The following DYNC2H1 variants were observed in gnomAD, a reference collection of about 807,000 sequenced individuals.
DYNC2H1 encodes the protein dynein cytoplasmic 2 heavy chain 1.
DYNC2H1 carries 410 observed loss-of-function variants against 570.0 expected under a neutral mutation model. The ratio of observed to expected loss-of-function variants is 0.72; its 90% confidence interval spans 0.66 to 0.78. DYNC2H1 has a LOEUF of 0.78. DYNC2H1 is among the 30% of genes least tolerant of loss of function. DYNC2H1 has a pLI of 0.00. For synonymous variants in DYNC2H1, 1,688 were observed against 1,677.6 expected (o/e 1.01, Z -0.15); for missense variants, 4,865 against 5,046.4 (o/e 0.96, Z 1.09).
chr11:103,316,431 G>A (rs1450865010), intron 79 of DYNC2H1, 114 bp from the exon 80 acceptor site: 1 of 634,464 alleles, frequency 1.6e-6, no homozygotes, highest in African/African-American at 2.0e-5. Flanking sequence ...AAAATTCTCA[G>A]GAGTTATATA....
At chr11:103,231,431 A>G (rs1864006433) in intron 60 of DYNC2H1, 85 bp downstream of exon 60, 1 of 878,410 alleles carries the variant, frequency 1.1e-6, no homozygotes, top group African/African-American at 1.7e-5. Flanking sequence ...TTTGACTTTT[A>G]AGATTTAGAC....
intron 50 of DYNC2H1, among the ~76,000 whole-genome samples, chr11:103,200,625 A>G (rs527847608): frequency 3.7e-4 from 57 of 152,278 alleles, no homozygotes; most frequent in Non-Finnish European, 7.5e-4. Flanking sequence ...TTGTATAACT[A>G]TATAATAGTA....
intron 72 of DYNC2H1, among the ~76,000 whole-genome samples, chr11:103,282,449 G>A (rs912151254): frequency 1.7e-4 from 26 of 151,848 alleles, no homozygotes; most frequent in African/African-American, 6.3e-4. Context: ...TCATACTAAT[G>A]AATTAATGCA....
chr11:103,437,791 G>A (rs2135757629), intron 85 of DYNC2H1, among the ~76,000 whole-genome samples: 1 of 152,090 alleles, frequency 6.6e-6, no homozygotes, highest in South Asian at 2.1e-4. Context: ...AAAAGGACAG[G>A]GACTTTAAAC....
intron 87 of DYNC2H1, among the ~76,000 whole-genome samples, chr11:103,466,739 A>T (rs950480760): frequency 1.3e-5 from 2 of 152,192 alleles, no homozygotes; most frequent in Non-Finnish European, 1.5e-5. Context: ...GATTGACAGA[A>T]TTTTTAAGTC....
At position 103,236,557 on chromosome 11, in the gene DYNC2H1, A is replaced by AT. The variant is rs748459541; in HGVS notation, c.9819+25dup. 103 of 1,336,382 alleles carry AT rather than the reference A, an allele frequency of 7.7e-5. No individual in the cohort carries two copies. The East Asian group carries it at 2.4e-3, about 31-fold the overall frequency. 82.8% of individuals were successfully genotyped at this position (1,336,382 alleles called of 1,614,324 possible). A position where few individuals can be genotyped will look rare whatever the true frequency, so the allele number is the denominator to read the frequency against. On this transcript the variant is annotated intron_variant, in intron 63 of 88. Coordinates refer to ENST00000375735, the MANE Select transcript of DYNC2H1 (RefSeq NM_001377.3). ...TATTACAGGTAGTTAATTTATTTTA[A>AT]TTTTTTTATTAGAAATGTTTTATTG...
chr11:103,321,624 G>A (rs1230247595), intron 81 of DYNC2H1, among the ~76,000 whole-genome samples: 1 of 152,074 alleles, frequency 6.6e-6, no homozygotes, highest in Non-Finnish European at 1.5e-5. Context: ...ATAAATATGT[G>A]TCTTCAGTTT....
chr11:103,386,279 CT>C (rs1252101602), intron 83 of DYNC2H1, among the ~76,000 whole-genome samples: 1 of 152,002 alleles, frequency 6.6e-6, no homozygotes, highest in African/African-American at 2.4e-5. Context: ...TGTAGACTTC[CT>C]TTTTTTGTTC....
At chr11:103,184,512 T>G (rs1861987312) in intron 40 of DYNC2H1, among the ~76,000 whole-genome samples, 1 of 151,930 alleles carries the variant, frequency 6.6e-6, no homozygotes, top group Admixed American at 6.6e-5. Flanking sequence ...TTCTAACGTT[T>G]CTTTTCTAGT....
At position 103,253,394 on chromosome 11, in the gene DYNC2H1, T is replaced by G. The variant is rs886047574; in HGVS notation, c.10152T>G (p.Ala3384=). Residue 3384 remains alanine (A), a synonymous_variant, in exon 66 of 89, where the codon GCT becomes GCG. Coordinates refer to ENST00000375735, the MANE Select transcript of DYNC2H1 (RefSeq NM_001377.3). ...ATCCTTTTATTCCACCGGATGCAGC[T>G]TCCATTGTTACTGAGGTTAACTTTA... is the stretch of plus-strand genomic sequence containing the variant. ...NPNPFIPPDA[A]SIVTEVNFTT... is the part of the protein sequence containing the mutation. 2 of 1,613,396 alleles carry G rather than the reference T, an allele frequency of 1.2e-6. No homozygotes were observed. The highest frequency in any genetic ancestry group is 1.7e-6 in the Non-Finnish European group (2 of 1,179,512).
intron 75 of DYNC2H1, among the ~76,000 whole-genome samples, chr11:103,294,926 G>A (rs1365353746): frequency 2.6e-5 from 4 of 152,170 alleles, no homozygotes; most frequent in Non-Finnish European, 4.4e-5. Context: ...CAATTTGCAA[G>A]ACATAATCCT....
chr11:103,362,892 A>T (rs1395085601), intron 83 of DYNC2H1, among the ~76,000 whole-genome samples: 1 of 152,108 alleles, frequency 6.6e-6, no homozygotes, highest in South Asian at 2.1e-4. Context: ...TTAGCCAGGC[A>T]TGGTGGTGCA....
In DYNC2H1 at chr11:103,186,147, A is replaced by G. The variant is rs1378820525; in HGVS notation, c.6634-95A>G. 2.0e-5 allele frequency: 25 copies of G among 1,242,068 alleles called. No individual in the cohort carries two copies. Among genetic ancestry groups the G allele is most frequent in the Non-Finnish European group, 2.5e-5 (23 of 912,636 alleles). The allele number at this position is 1,242,068 out of a possible 1,614,324, so 76.9% of individuals were successfully genotyped here. ...TTTATGTAAAGTTTTCTTGGAACTA[A>G]GATGATTTACTTTTGGGATATTTAC... is the stretch of plus-strand genomic sequence containing the variant. On this transcript the variant is annotated intron_variant, in intron 41 of 88. Transcript: ENST00000375735. The surrounding 1 kb of genome is among the most constrained non-coding windows in gnomAD (Gnocchi z 4.5).
At chr11:103,197,107 T>C (rs1310456321) in intron 47 of DYNC2H1, among the ~76,000 whole-genome samples, 1 of 152,038 alleles carries the variant, frequency 6.6e-6, no homozygotes, top group Non-Finnish European at 1.5e-5. Flanking sequence ...TGGGGGATTT[T>C]TGTTTTCTAA....
intron 31 of DYNC2H1, 29 bp downstream of exon 31, chr11:103,166,077 T>C: frequency 2.7e-6 from 4 of 1,469,352 alleles, no homozygotes; most frequent in Non-Finnish European, 3.6e-6. Context: ...CTTTTCTGCC[T>C]GGTTTTGGGT....
At chr11:103,158,255 G>T (rs1328077273) in intron 26 of DYNC2H1, among the ~76,000 whole-genome samples, 1 of 152,154 alleles carries the variant, frequency 6.6e-6, no homozygotes, top group Admixed American at 6.5e-5. Flanking sequence ...AGACCATCGT[G>T]GCTAACACGG....
chr11:103,246,212 A>G (rs1864610654), intron 65 of DYNC2H1, among the ~76,000 whole-genome samples: 1 of 152,036 alleles, frequency 6.6e-6, no homozygotes, highest in Non-Finnish European at 1.5e-5. Flanking sequence ...GTAATCAAGA[A>G]AGTGACCTTG....
chr11:103,186,603 T>C lies in DYNC2H1; in HGVS notation c.6893+102T>C. On this transcript the variant is annotated intron_variant, in intron 42 of 88. Transcript: ENST00000375735. The surrounding 1 kb of genome is among the most constrained non-coding windows in gnomAD (Gnocchi z 4.5). The stretch of plus-strand genomic sequence containing the variant: ...TGTTTCTTTTGGTTAAAGTAGCATT[T>C]ACATTTTCATGGAAGATTCATTTTA... 1 of 1,383,718 alleles carries C rather than the reference T, an allele frequency of 7.2e-7. No individual in the cohort carries two copies. Among genetic ancestry groups the C allele is most frequent in the Non-Finnish European group, 9.6e-7 (1 of 1,044,834 alleles). 85.7% of individuals were successfully genotyped at this position (1,383,718 alleles called of 1,614,324 possible). A position where few individuals can be genotyped will look rare whatever the true frequency, so the allele number is the denominator to read the frequency against.
At chr11:103,456,856 C>A (rs995177927) in intron 87 of DYNC2H1, among the ~76,000 whole-genome samples, 3 of 152,164 alleles carry the variant, frequency 2.0e-5, no homozygotes, top group African/African-American at 7.2e-5. Flanking sequence ...TTGTTTCATG[C>A]ACAAAATTCT....
Sources: gnomAD v4.1 joint callset for allele counts (sites outside exome capture counted in the v4.1 genomes callset) on GRCh38, gnomAD v4.1.1 for gene constraint, Gnocchi (gnomAD v3.1) non-coding constraint, MANE v1.5 for transcripts, NCBI Gene and HGNC (gene_info 2026-07-23, HGNC 2026-07-21) for gene names.